UBTD1: variants seen among roughly 807,000 people sequenced by gnomAD.
The protein encoded by UBTD1 is ubiquitin domain containing 1, also known as ubiquitin domain-containing protein 1.
A neutral mutation model predicts 21.7 loss-of-function variants in UBTD1; 19 were observed. The ratio of observed to expected loss-of-function variants is 0.87; its 90% CI spans 0.61 to 1.28. The LOEUF is 1.28. UBTD1 is among the 50% of genes most tolerant of loss of function. The probability of loss-of-function intolerance (pLI) is 0.00; values close to 1 mark genes in which losing one functional copy is unlikely to be tolerated. For synonymous variants in UBTD1, 116 were observed against 135.1 expected, an observed-to-expected ratio of 0.86 and a Z score of 0.98; for missense variants, 282 against 315.1, an observed-to-expected ratio of 0.89 and a Z score of 0.80.
chr10:97,501,884 C>A (rs2040378083), intron 1 of UBTD1, among the ~76,000 whole-genome samples: 2 of 152,154 alleles, frequency 1.3e-5, no homozygotes, highest in African/African-American at 4.8e-5. Context: ...CCACACACAC[C>A]CCGTGGAAGT....
rs571367726 is a variant in UBTD1 at position 97,504,069 on chromosome 10, C to T, written c.70+4796C>T. On this transcript the variant is annotated intron_variant, in intron 1 of 2. Coordinates refer to ENST00000370664, the MANE Select transcript of UBTD1 (RefSeq NM_024954.5). ...CGCTTGCCAAGGCCCCTAAAATTCT[C>T]GTCGTCCCTGACTTCTCCCTTTCTC... Among the ~76,000 whole-genome samples the T allele has an allele frequency of 5.9e-5, 9 of 152,186 alleles. No individual in the cohort carries two copies. The South Asian group carries it at 1.2e-3, about 21-fold the overall frequency.
At chr10:97,501,726 T>C (rs898149685) in intron 1 of UBTD1, among the ~76,000 whole-genome samples, 3 of 152,222 alleles carry the variant, frequency 2.0e-5, no homozygotes, top group African/African-American at 7.2e-5. Flanking sequence ...TTTCTTTCCC[T>C]TCTCTGACAT....
chr10:97,551,023 T>C (rs2135680675), intron 1 of UBTD1, among the ~76,000 whole-genome samples: 1 of 152,348 alleles, frequency 6.6e-6, no homozygotes, highest in East Asian at 1.9e-4. Flanking sequence ...GGGCATGCCA[T>C]TTCCACTCCT....
intron 1 of UBTD1, among the ~76,000 whole-genome samples, chr10:97,539,295 T>C (rs1279741265): frequency 1.3e-5 from 2 of 151,988 alleles, no homozygotes; most frequent in African/African-American, 4.8e-5. Context: ...TTTCACTAAC[T>C]TCGAAAAAAA....
intron 2 of UBTD1, among the ~76,000 whole-genome samples, chr10:97,569,601 A>T (rs962962040): frequency 6.6e-6 from 1 of 152,158 alleles, no homozygotes; most frequent in African/African-American, 2.4e-5. Context: ...AAAATACCAC[A>T]TGCTGGGTGA....
chr10:97,519,457 C>T (rs1442687455), intron 1 of UBTD1, among the ~76,000 whole-genome samples: 1 of 152,090 alleles, frequency 6.6e-6, no homozygotes, highest in African/African-American at 2.4e-5. Context: ...TTGAAATGCC[C>T]CAAGATGCCT....
intron 1 of UBTD1, among the ~76,000 whole-genome samples, chr10:97,517,738 G>A (rs534452622): frequency 3.9e-5 from 6 of 152,240 alleles, no homozygotes; most frequent in Admixed American, 1.3e-4. Flanking sequence ...GCTGCCAACC[G>A]TGTTCCCGGT....
At chr10:97,553,634 G>A (rs1040512482) in intron 1 of UBTD1, among the ~76,000 whole-genome samples, 1 of 152,138 alleles carries the variant, frequency 6.6e-6, no homozygotes, top group Non-Finnish European at 1.5e-5. Flanking sequence ...TTTGTACAGC[G>A]TTTGACCCAC....
intron 1 of UBTD1, among the ~76,000 whole-genome samples, chr10:97,513,893 A>G (rs998568214): frequency 6.6e-6 from 1 of 151,962 alleles, no homozygotes; most frequent in Non-Finnish European, 1.5e-5. Context: ...TGTATTTTTT[A>G]TAGAGATGGG....
chr10:97,511,983 T>A lies in UBTD1; in HGVS notation c.70+12710T>A, dbSNP rs182238735. On this transcript the variant is annotated intron_variant, in intron 1 of 2. Coordinates refer to ENST00000370664, the MANE Select transcript of UBTD1 (RefSeq NM_024954.5). ...GCTGCTGTTTGAATCCTGGGAGTTG[T>A]ATCCTGGAGGCTTACACCTTAGCCA... 4.0e-4 allele frequency among the ~76,000 whole-genome samples: 61 copies of A among 152,284 alleles called. No homozygotes were observed. In the East Asian group the frequency reaches 9.6e-3, roughly 24 times the overall value.
intron 1 of UBTD1, among the ~76,000 whole-genome samples, chr10:97,544,603 A>T (rs562914778): frequency 6.6e-6 from 1 of 152,366 alleles, no homozygotes; most frequent in Non-Finnish European, 1.5e-5. Flanking sequence ...CCTTACTAAT[A>T]ACATGAACAG....
chr10:97,536,900 G>A (rs73330780), intron 1 of UBTD1, among the ~76,000 whole-genome samples: 5,178 of 152,116 alleles, frequency 0.034, 269 homozygotes, highest in African/African-American at 0.11. Context: ...CACACAGGAG[G>A]AGGCACAGGG....
chr10:97,563,008 G>T (rs1189775888), intron 1 of UBTD1, among the ~76,000 whole-genome samples: 1 of 152,136 alleles, frequency 6.6e-6, no homozygotes, highest in African/African-American at 2.4e-5. Context: ...TAGTGGGAGA[G>T]ATTAAACTGA....
intron 1 of UBTD1, among the ~76,000 whole-genome samples, chr10:97,540,617 G>A (rs1420704821): frequency 1.3e-5 from 2 of 152,198 alleles, no homozygotes; most frequent in Non-Finnish European, 2.9e-5. Context: ...TTCTAGATAC[G>A]GAAACTGAGG....
chr10:97,562,377 C>T (rs1396940193), intron 1 of UBTD1, among the ~76,000 whole-genome samples: 5 of 152,126 alleles, frequency 3.3e-5, no homozygotes, highest in East Asian at 1.9e-4. Context: ...TGGGTGCAGG[C>T]GGCCTGGGTC....
chr10:97,535,614 C>CA (rs1266978360), intron 1 of UBTD1, among the ~76,000 whole-genome samples: 5 of 151,536 alleles, frequency 3.3e-5, no homozygotes, highest in Admixed American at 6.6e-5. Flanking sequence ...GACTCTGTCT[C>CA]AAAAAAGAAA....
intron 1 of UBTD1, among the ~76,000 whole-genome samples, chr10:97,547,432 G>C (rs1294378550): frequency 6.6e-6 from 1 of 152,130 alleles, no homozygotes; most frequent in East Asian, 1.9e-4. Flanking sequence ...ACCCTACGCT[G>C]TGCAACCAGC....
intron 1 of UBTD1, among the ~76,000 whole-genome samples, chr10:97,512,358 C>T (rs150708113): frequency 4.8e-4 from 73 of 152,254 alleles, no homozygotes; most frequent in African/African-American, 1.7e-3. Context: ...GCCCTTCTCC[C>T]CTATACTCTC....
intron 1 of UBTD1, among the ~76,000 whole-genome samples, chr10:97,552,417 A>T (rs1304752177): frequency 7.5e-6 from 1 of 133,734 alleles, no homozygotes; most frequent in East Asian, 2.2e-4. Flanking sequence ...TTTTTTTGAA[A>T]CACAGTCTCG....
Sources: gnomAD v4.1 joint callset for allele counts (sites outside exome capture counted in the v4.1 genomes callset) on GRCh38, gnomAD v4.1.1 for gene constraint, MANE v1.5 for transcripts, NCBI Gene and HGNC (gene_info 2026-07-23, HGNC 2026-07-21) for gene names.